The following NAV2 variants were observed in gnomAD, a reference collection of about 807,000 sequenced individuals.
The protein encoded by NAV2 is helicase, APC down-regulated 1.
Under a neutral mutation model 223.2 loss-of-function variants are expected in NAV2, and 54 were observed. That is an observed-to-expected ratio of 0.24 (90% CI 0.19 to 0.30). The LOEUF (loss-of-function observed/expected upper bound fraction) is 0.30. NAV2 is among the 10% of genes least tolerant of loss of function. The pLI, the probability that NAV2 is intolerant of heterozygous loss-of-function variation, is 1.00. For missense variants in NAV2, 2,806 were observed against 3,147.5 expected (o/e 0.89, Z 2.60); for synonymous variants, 1,279 against 1,239.3 (o/e 1.03, Z -0.67).
chr11:19,428,410 C>T (rs1850919872), intron 1 of NAV2, among the ~76,000 whole-genome samples: 1 of 152,198 alleles, frequency 6.6e-6, no homozygotes, highest in African/African-American at 2.4e-5. Context: ...TGGGGCCTCA[C>T]TGAGAATTAG....
At chr11:19,699,973 C>CA (rs909864920) in intron 1 of NAV2, among the ~76,000 whole-genome samples, 7 of 152,182 alleles carry the variant, frequency 4.6e-5, no homozygotes, top group African/African-American at 1.7e-4. Flanking sequence ...CAGGGATCCC[C>CA]AATGGGCTCA....
At chr11:19,458,741 G>T (rs767109175) in intron 1 of NAV2, among the ~76,000 whole-genome samples, 7 of 152,246 alleles carry the variant, frequency 4.6e-5, no homozygotes, top group Non-Finnish European at 8.8e-5. Flanking sequence ...CTACACATGT[G>T]AAGAATAATG....
intron 1 of NAV2, chr11:19,714,436 A>C (rs910988400): frequency 2.2e-6 from 1 of 458,234 alleles, no homozygotes; most frequent in Non-Finnish European, 4.4e-6. Context: ...CAGGAAGAAA[A>C]GGGGATCGCG....
intron 6 of NAV2, among the ~76,000 whole-genome samples, chr11:19,912,377 C>T (rs534939987): frequency 4.7e-4 from 72 of 152,266 alleles, no homozygotes; most frequent in Non-Finnish European, 9.8e-4. Flanking sequence ...CACTTAAACA[C>T]ATTTGGACTT....
intron 1 of NAV2, among the ~76,000 whole-genome samples, chr11:19,651,873 T>C (rs567348217): frequency 1.4e-4 from 21 of 152,172 alleles, no homozygotes; most frequent in Non-Finnish European, 2.4e-4. Flanking sequence ...CCTTGACAGA[T>C]GGCATCTGTT....
chr11:19,351,148 C>A, intron 1 of NAV2: 1 of 990,150 alleles, frequency 1.0e-6, no homozygotes, highest in Middle Eastern at 2.2e-4. Context: ...AAGGAGGTAG[C>A]ATGGTGGCTT....
intron 1 of NAV2, among the ~76,000 whole-genome samples, chr11:19,685,644 A>G (rs2049002440): frequency 6.6e-6 from 1 of 152,240 alleles, no homozygotes; most frequent in East Asian, 1.9e-4. Context: ...AAACAGCCGT[A>G]TGATGATTGC....
intron 1 of NAV2, among the ~76,000 whole-genome samples, chr11:19,717,630 A>C (rs2050409460): frequency 6.6e-6 from 1 of 152,258 alleles, no homozygotes; most frequent in African/African-American, 2.4e-5. Context: ...GAGAAAGAAC[A>C]AAGGCTTTGC....
Position 20,083,021 on chromosome 11 carries a change from C to T in NAV2, c.5340C>T (p.Phe1780=). The change falls in exon 26 of 38, where the codon TTC becomes TTT. Residue 1780 remains phenylalanine (F), a synonymous_variant. Coordinates refer to ENST00000349880, the MANE Select transcript of NAV2 (RefSeq NM_145117.5). ...KKRKNWLRSS[F]KQAFGKKKSP... ...TGTATATTCAGTTACGCAGCTCCTT[C>T]AAGCAAGCTTTCGGGAAGAAGAAGT... 1 of 1,613,230 alleles carries T rather than the reference C, an allele frequency of 6.2e-7. No individual in the cohort carries two copies. The highest frequency in any genetic ancestry group is 8.5e-7 in the Non-Finnish European group (1 of 1,179,532).
intron 11 of NAV2, among the ~76,000 whole-genome samples, chr11:20,024,031 G>C (rs79225249): frequency 0.062 from 9,486 of 152,226 alleles, 469 homozygotes; most frequent in Admixed American, 0.1. Flanking sequence ...GCAAAGCTGG[G>C]ATTGGAACCC....
At chr11:19,838,937 C>T (rs1009344074) in intron 2 of NAV2, among the ~76,000 whole-genome samples, 1 of 152,188 alleles carries the variant, frequency 6.6e-6, no homozygotes, top group African/African-American at 2.4e-5. Flanking sequence ...ATGCTTTTCA[C>T]ATGCGCTGTT....
chr11:19,654,649 C>A (rs556498292), intron 1 of NAV2, among the ~76,000 whole-genome samples: 1 of 152,238 alleles, frequency 6.6e-6, no homozygotes, highest in South Asian at 2.1e-4. Context: ...GGAAAGGATC[C>A]CTATTTAATA....
At chr11:19,970,313 C>T (rs988234370) in intron 10 of NAV2, among the ~76,000 whole-genome samples, 1 of 152,148 alleles carries the variant, frequency 6.6e-6, no homozygotes, top group Non-Finnish European at 1.5e-5. Context: ...GGATTACAGG[C>T]ATGCGCCACC....
intron 1 of NAV2, among the ~76,000 whole-genome samples, chr11:19,630,485 C>T (rs1267093594): frequency 6.6e-6 from 1 of 152,106 alleles, no homozygotes; most frequent in Non-Finnish European, 1.5e-5. Flanking sequence ...AAGAGCAAGG[C>T]AAAAGGGAAA....
chr11:20,046,653 A>C (rs1169334110), intron 14 of NAV2, among the ~76,000 whole-genome samples: 1 of 151,448 alleles, frequency 6.6e-6, no homozygotes, highest in Non-Finnish European at 1.5e-5. Context: ...TATTTCTGAA[A>C]AAGAGAAGTT....
At chr11:20,104,764 C>T (rs1023069161) in intron 34 of NAV2, 4 of 152,338 alleles carry the variant, frequency 2.6e-5, no homozygotes, top group South Asian at 2.1e-4. Flanking sequence ...ATAGAACTCT[C>T]GTGCTTAAAG....
chr11:19,762,485 G>A (rs1471938353), intron 1 of NAV2, among the ~76,000 whole-genome samples: 1 of 152,124 alleles, frequency 6.6e-6, no homozygotes, highest in South Asian at 2.1e-4. Context: ...GCAATATGCT[G>A]TATTAGTTCT....
Position 19,982,730 on chromosome 11 carries a change from A to G in NAV2, c.2646-1395A>G, listed in dbSNP as rs79714255. Among the ~76,000 whole-genome samples, 1,500 of 152,234 alleles carry G rather than the reference A, an allele frequency of 9.9e-3. 29 individuals are homozygous for G. The highest frequency in any genetic ancestry group is 0.034 in the African/African-American group (1,431 of 41,544). ...ACCCATTCTGGAAGGTGCTTTTCAC[A>G]TGAGATAACTCCAGTGAGAATTTTC... On this transcript the variant is annotated intron_variant, in intron 10 of 37. Transcript: ENST00000349880.
intron 11 of NAV2, among the ~76,000 whole-genome samples, chr11:19,985,570 G>GTTGT (rs559423379): frequency 8.9e-5 from 13 of 145,900 alleles, no homozygotes; most frequent in African/African-American, 2.9e-4. Context: ...TTTTTTTGTT[G>GTTGT]TTGTTTGTTT....
Sources: allele counts gnomAD v4.1 joint callset (sites outside exome capture counted in the v4.1 genomes callset), GRCh38; gene constraint gnomAD v4.1.1; transcripts MANE v1.5; gene names NCBI Gene and HGNC (gene_info 2026-07-23, HGNC 2026-07-21).